P4HA3: variants seen among roughly 807,000 people sequenced by gnomAD.
P4HA3 encodes the protein prolyl 4-hydroxylase subunit alpha-3.
In P4HA3, 60 loss-of-function variants were observed where a neutral mutation model predicts 66.7. The observed-to-expected ratio is 0.90, with a 90% CI of 0.73 to 1.12. P4HA3 has a LOEUF of 1.12. P4HA3 is among the 50% of genes most tolerant of loss of function. The pLI is 0.00. For synonymous variants in P4HA3, 263 were observed against 274.6 expected (o/e 0.96, Z 0.42); for missense variants, 683 against 685.8 (o/e 1.00, Z 0.05).
At chr11:74,308,583 AACAGAATG>A (rs2134837250) in intron 1 of P4HA3, among the ~76,000 whole-genome samples, 1 of 152,278 alleles carries the variant, frequency 6.6e-6, no homozygotes, top group South Asian at 2.1e-4. Flanking sequence ...GTCACTAGAG[AACAGAATG>A]ACAGAATGAC....
At chr11:74,296,431 G>A (rs1861214744) in intron 4 of P4HA3, among the ~76,000 whole-genome samples, 1 of 152,078 alleles carries the variant, frequency 6.6e-6, no homozygotes, top group African/African-American at 2.4e-5. Flanking sequence ...GGTCCACAGG[G>A]ACATTTACTT....
At chr11:74,282,688 T>C (rs1860648124) in intron 7 of P4HA3, among the ~76,000 whole-genome samples, 1 of 152,090 alleles carries the variant, frequency 6.6e-6, no homozygotes, top group South Asian at 2.1e-4. Context: ...GGGAAGAACA[T>C]GGGGCAAGGC....
At chr11:74,266,179 G>A (rs1045952082), downstream of P4HA3, among the ~76,000 whole-genome samples, 2 of 152,220 alleles carry the variant, frequency 1.3e-5, no homozygotes, top group African/African-American at 2.4e-5. Context: ...CTTCTGGAAC[G>A]TAGCCGGGGA....
In P4HA3 at chr11:74,298,849, T is replaced by C. The variant is rs181768117; in HGVS notation, c.568-488A>G. On this transcript the variant is annotated intron_variant, in intron 3 of 12. Transcript: ENST00000331597. ...AGCAAGAATGTGTTCAAGTAGTCCATCGTGGCTGTAGCTAGGGTGAAGAGA... is the reference window on the plus strand; with the variant it reads ...AGCAAGAATGTGTTCAAGTAGTCCACCGTGGCTGTAGCTAGGGTGAAGAGA... Among the ~76,000 whole-genome samples, 55 of 152,344 alleles carry C rather than the reference T, an allele frequency of 3.6e-4. 1 individual carries two copies. The highest frequency in any genetic ancestry group is 1.2e-3 in the African/African-American group (51 of 41,580).
Position 74,276,986 on chromosome 11 carries a change from G to A in P4HA3, c.1334C>T (p.Thr445Met), listed in dbSNP as rs150789452. ...GHYEPHFDHA[T>M]SPSSPLYRMK... is the part of the protein sequence containing the mutation. ...ATTGGTCATTGACTCCACCATTACC[G>A]TAGCATGGTCAAAGTGAGGCTCATA... Residue 445 changes from threonine to methionine, a missense_variant and splice_region_variant, in exon 9 of 13, where the codon ACG becomes ATG. Thr to Met is a moderately conservative substitution (Grantham distance 81). Coordinates refer to ENST00000331597, the MANE Select transcript of P4HA3 (RefSeq NM_182904.5). 813 of 1,612,542 alleles carry A rather than the reference G, an allele frequency of 5.0e-4. 4 individuals are homozygous for A. In the East Asian group the frequency reaches 0.011, roughly 22 times the overall value.
intron 7 of P4HA3, among the ~76,000 whole-genome samples, chr11:74,283,806 C>T (rs1397124530): frequency 6.6e-6 from 1 of 152,236 alleles, no homozygotes; most frequent in East Asian, 1.9e-4. Context: ...TGAAGCCTTC[C>T]CTGATTCTTC....
chr11:74,293,994 G>A (rs1250299053), intron 4 of P4HA3, among the ~76,000 whole-genome samples: 1 of 152,210 alleles, frequency 6.6e-6, no homozygotes, highest in East Asian at 1.9e-4. Context: ...ATGTTGGCCT[G>A]CCTTGCTAGA....
intron 5 of P4HA3, 67 bp downstream of exon 5, chr11:74,289,012 C>T (rs1183941879): frequency 8.5e-7 from 1 of 1,175,792 alleles, no homozygotes; most frequent in Non-Finnish European, 1.1e-6. Flanking sequence ...GAATTAAAGG[C>T]CAGGAGCAGA....
intron 1 of P4HA3, among the ~76,000 whole-genome samples, chr11:74,310,424 G>GT (rs1380227913): frequency 1.3e-5 from 2 of 152,146 alleles, no homozygotes; most frequent in African/African-American, 2.4e-5. Context: ...CATCAAGTAT[G>GT]TTTTTTCACA....
intron 4 of P4HA3, among the ~76,000 whole-genome samples, chr11:74,290,399 G>T (rs1435157153): frequency 6.7e-6 from 1 of 149,990 alleles, no homozygotes; most frequent in Non-Finnish European, 1.5e-5. Context: ...TAGGTTGCCT[G>T]TTCACTCTGA....
chr11:74,258,228 T>G (rs889004877), intron 15 of P4HA3, among the ~76,000 whole-genome samples: 1 of 152,074 alleles, frequency 6.6e-6, no homozygotes, highest in Non-Finnish European at 1.5e-5. Context: ...TCCCAGCAGT[T>G]TGCTAGAAAA....
chr11:74,307,402 G>A (rs185635554), intron 1 of P4HA3, among the ~76,000 whole-genome samples: 1 of 152,296 alleles, frequency 6.6e-6, no homozygotes, highest in Non-Finnish European at 1.5e-5. Flanking sequence ...CAAAAGTGCT[G>A]TCTACTTCCT....
At chr11:74,264,924 G>A (rs550912386), downstream of P4HA3, among the ~76,000 whole-genome samples, 11 of 152,210 alleles carry the variant, frequency 7.2e-5, no homozygotes, top group Admixed American at 2.6e-4. Context: ...TGTCTCAGTC[G>A]CCTGGTCAAG....
intron 8 of P4HA3, 114 bp from the exon 9 acceptor site, chr11:74,277,258 G>T: frequency 7.5e-7 from 1 of 1,327,318 alleles, no homozygotes; most frequent in Non-Finnish European, 1.0e-6. Context: ...AAGGAAGGAT[G>T]GAAGGAAGGA....
At chr11:74,305,657 A>G (rs536016773) in intron 1 of P4HA3, among the ~76,000 whole-genome samples, 24 of 152,324 alleles carry the variant, frequency 1.6e-4, no homozygotes, top group African/African-American at 5.5e-4. Flanking sequence ...TACACGAGTT[A>G]TTTGCTAGAT....
downstream of P4HA3, among the ~76,000 whole-genome samples, chr11:74,262,681 C>T (rs1245382557): frequency 2.6e-5 from 4 of 152,276 alleles, no homozygotes; most frequent in East Asian, 7.7e-4. Flanking sequence ...TTTGTTTCCT[C>T]CCCCTAGCCC....
At chr11:74,302,629 G>A (rs1324912815) in intron 2 of P4HA3, 37 bp from the exon 3 acceptor site, 2 of 1,568,870 alleles carry the variant, frequency 1.3e-6, no homozygotes, top group Admixed American at 3.7e-5. Context: ...CAGCATTCAA[G>A]AAACAGGAGT....
intron 15 of P4HA3, chr11:74,252,472 T>G (rs2135687774): frequency 2.2e-6 from 1 of 456,308 alleles, no homozygotes; most frequent in South Asian, 1.6e-5. Context: ...ATGGAATGGG[T>G]GCCTCTGCCA....
Position 74,268,184 on chromosome 11 carries a change from G to T in P4HA3, c.1525C>A (p.Leu509Ile), listed in dbSNP as rs1301336718. 1 of 1,614,102 alleles carries T rather than the reference G, an allele frequency of 6.2e-7. No homozygotes were observed. The highest frequency in any genetic ancestry group is 1.1e-5 in the South Asian group (1 of 91,066). The part of the protein sequence containing the change: ...HRSGEGDSDT[L>I]HAGCPVLVGD... Reference sequence around the variant, plus strand: ...ACCAGGACAGGACAGCCAGCATGAAGTGTGTCACTGTCCCCTTCACCACTC... The same window carrying T: ...ACCAGGACAGGACAGCCAGCATGAATTGTGTCACTGTCCCCTTCACCACTC... Residue 509 changes from leucine to isoleucine, a missense_variant, in exon 12 of 13, where the codon CTT (leucine) becomes ATT (isoleucine). Transcript: ENST00000331597.
Sources: gnomAD v4.1 joint callset for allele counts (sites outside exome capture counted in the v4.1 genomes callset) on GRCh38, gnomAD v4.1.1 for gene constraint, MANE v1.5 for transcripts, NCBI Gene and HGNC (gene_info 2026-07-23, HGNC 2026-07-21) for gene names.